Variants in CNTNAP2 observed in about 807,000 individuals in gnomAD.
CNTNAP2 encodes the protein contactin associated protein 2.
A neutral mutation model predicts 155.2 loss-of-function variants in CNTNAP2; 98 were observed. The ratio of observed to expected loss-of-function variants is 0.63; its 90% CI spans 0.54 to 0.75. CNTNAP2 has a LOEUF of 0.75. CNTNAP2 is among the 30% of genes least tolerant of loss of function. The probability of loss-of-function intolerance (pLI) is 0.00; values close to 1 mark genes in which losing one functional copy is unlikely to be tolerated. For missense variants in CNTNAP2, 1,727 were observed against 1,688.1 expected, an observed-to-expected ratio of 1.02 and a Z score of -0.40; for synonymous variants, 651 against 631.2, an observed-to-expected ratio of 1.03 and a Z score of -0.47.
chr7:146,674,752 G>A (rs1438442460), intron 1 of CNTNAP2, among the ~76,000 whole-genome samples: 1 of 152,068 alleles, frequency 6.6e-6, no homozygotes, highest in African/African-American at 2.4e-5. Flanking sequence ...GAAAAGGAGG[G>A]TTTAATCCCT....
intron 1 of CNTNAP2, among the ~76,000 whole-genome samples, chr7:146,546,100 G>T (rs572777480): frequency 2.0e-5 from 3 of 151,912 alleles, no homozygotes; most frequent in Non-Finnish European, 4.4e-5. Context: ...CATGGGTGTT[G>T]AACTACAGTG....
intron 1 of CNTNAP2, among the ~76,000 whole-genome samples, chr7:146,389,618 T>C (rs761827750): frequency 2.0e-5 from 3 of 151,650 alleles, no homozygotes; most frequent in African/African-American, 2.4e-5. Flanking sequence ...AGCTGTTCTA[T>C]TTTTATACAT....
At chr7:147,603,741 CA>C (rs1234476498) in intron 12 of CNTNAP2, among the ~76,000 whole-genome samples, 1 of 151,936 alleles carries the variant, frequency 6.6e-6, no homozygotes, top group Non-Finnish European at 1.5e-5. Flanking sequence ...CATATGGAAC[CA>C]AAAAAGAGCC....
chr7:146,996,855 G>A (rs986890435), intron 3 of CNTNAP2, among the ~76,000 whole-genome samples: 4 of 152,014 alleles, frequency 2.6e-5, no homozygotes, highest in African/African-American at 9.7e-5. Flanking sequence ...GGACCCCGTG[G>A]GGAGATAACG....
At chr7:148,131,063 C>T (rs1183967391) in intron 16 of CNTNAP2, among the ~76,000 whole-genome samples, 2 of 144,672 alleles carry the variant, frequency 1.4e-5, no homozygotes, top group African/African-American at 2.6e-5. Context: ...TGGATTCTAA[C>T]GTTTTCTTTT....
chr7:146,482,832 A>G (rs907636677), intron 1 of CNTNAP2, among the ~76,000 whole-genome samples: 42 of 152,128 alleles, frequency 2.8e-4, no homozygotes, highest in African/African-American at 9.7e-4. Flanking sequence ...AATAGATATC[A>G]TGGAATATTA....
intron 15 of CNTNAP2, among the ~76,000 whole-genome samples, chr7:147,979,352 G>GTA (rs1229730735): frequency 6.6e-6 from 1 of 152,162 alleles, no homozygotes; most frequent in African/African-American, 2.4e-5. Flanking sequence ...TAAAGCAATA[G>GTA]TATATATGCA....
At chr7:147,709,291 G>A (rs1796367747) in intron 13 of CNTNAP2, among the ~76,000 whole-genome samples, 1 of 152,118 alleles carries the variant, frequency 6.6e-6, no homozygotes, top group Non-Finnish European at 1.5e-5. Flanking sequence ...TCTGCACTGA[G>A]ATCTGTCAGC....
chr7:147,566,740 G>A (rs2116799125), intron 12 of CNTNAP2, among the ~76,000 whole-genome samples: 1 of 152,244 alleles, frequency 6.6e-6, no homozygotes, highest in Admixed American at 6.5e-5. Context: ...TGGGAATTGT[G>A]GGGATTACAA....
At chr7:146,187,834 T>C (rs1194530911) in intron 1 of CNTNAP2, among the ~76,000 whole-genome samples, 6 of 152,178 alleles carry the variant, frequency 3.9e-5, no homozygotes, top group Non-Finnish European at 8.8e-5. Context: ...TTATGAAGCA[T>C]GAAACCCTTC....
At chr7:147,694,957 C>T (rs538831977) in intron 13 of CNTNAP2, among the ~76,000 whole-genome samples, 2,494 of 151,740 alleles carry the variant, frequency 0.016, 219 homozygotes, top group Admixed American at 0.15. Flanking sequence ...ATCTTTTTTT[C>T]TAATATATGC....
At chr7:147,113,651 G>T (rs1800928778) in intron 5 of CNTNAP2, among the ~76,000 whole-genome samples, 1 of 152,048 alleles carries the variant, frequency 6.6e-6, no homozygotes, top group Admixed American at 6.6e-5. Context: ...ACAGCAAGGG[G>T]AACCACCCCC....
intron 13 of CNTNAP2, among the ~76,000 whole-genome samples, chr7:147,719,298 C>T (rs959122197): frequency 3.3e-5 from 5 of 152,052 alleles, no homozygotes; most frequent in South Asian, 2.1e-4. Flanking sequence ...CTCTCACATT[C>T]GATACAACTG....
Position 146,867,169 on chromosome 7 carries a change from C to T in CNTNAP2, c.402+27265C>T, listed in dbSNP as rs377237614. The stretch of plus-strand genomic sequence containing the variant: ...TATCTTTTCTATTCTTCTCCCTCTT[C>T]CAAACTTCTGTCCTCGAGAAGAACC... On this transcript the variant is annotated intron_variant, in intron 3 of 23. Transcript: ENST00000361727. Among the ~76,000 whole-genome samples, 12 of 152,188 alleles carry T rather than the reference C, an allele frequency of 7.9e-5. No homozygotes were observed. The South Asian group carries it at 1.7e-3, about 21-fold the overall frequency.
chr7:148,321,598 G>A (rs964980258), intron 21 of CNTNAP2, among the ~76,000 whole-genome samples: 1 of 152,206 alleles, frequency 6.6e-6, no homozygotes, highest in African/African-American at 2.4e-5. Flanking sequence ...CCCAAAAGCA[G>A]CGTTGAGCTG....
intron 12 of CNTNAP2, among the ~76,000 whole-genome samples, chr7:147,632,824 T>C (rs558307669): frequency 6.6e-6 from 1 of 152,110 alleles, no homozygotes; most frequent in South Asian, 2.1e-4. Context: ...ATGCTGATAG[T>C]GATATGGACA....
chr7:147,397,770 ATT>A (rs10646575), intron 10 of CNTNAP2, among the ~76,000 whole-genome samples: 28 of 145,900 alleles, frequency 1.9e-4, no homozygotes, highest in East Asian at 8.0e-4. Flanking sequence ...GATACACAAA[ATT>A]TTTTTTTTTT....
chr7:147,194,051 T>C (rs1345337861), intron 8 of CNTNAP2, among the ~76,000 whole-genome samples: 1 of 151,946 alleles, frequency 6.6e-6, no homozygotes, highest in Non-Finnish European at 1.5e-5. Flanking sequence ...TTGCTGTACC[T>C]ATTGACCCCT....
At chr7:147,094,791 T>C (rs1356122656) in intron 4 of CNTNAP2, among the ~76,000 whole-genome samples, 1 of 152,158 alleles carries the variant, frequency 6.6e-6, no homozygotes, top group South Asian at 2.1e-4. Flanking sequence ...AGGACTCTAC[T>C]TGAGTAGCAA....
Sources: gnomAD v4.1 joint callset for allele counts (sites outside exome capture counted in the v4.1 genomes callset) on GRCh38, gnomAD v4.1.1 for gene constraint, MANE v1.5 for transcripts, NCBI Gene and HGNC (gene_info 2026-07-23, HGNC 2026-07-21) for gene names.